Variants in RBM20 observed in about 807,000 individuals in gnomAD.
RBM20 encodes the protein RNA binding motif protein 20.
RBM20 carries 51 observed loss-of-function variants against 110.1 expected under a neutral mutation model. The observed-to-expected ratio is 0.46, with a 90% confidence interval of 0.37 to 0.59. The LOEUF is 0.59. Ranked by LOEUF, RBM20 falls within the 20% of genes least tolerant of loss-of-function variation. The pLI is 0.00. For synonymous variants in RBM20, 589 were observed against 618.2 expected, an observed-to-expected ratio of 0.95 and a Z score of 0.70; for missense variants, 1,512 against 1,574.9, an observed-to-expected ratio of 0.96 and a Z score of 0.68.
At chr10:110,834,619 A>G (rs544676175) in intron 13 of RBM20, among the ~76,000 whole-genome samples, 2 of 152,330 alleles carry the variant, frequency 1.3e-5, no homozygotes, top group South Asian at 4.1e-4. Flanking sequence ...TCGACTTCAC[A>G]GCAACCTTAT....
chr10:110,772,858 CAGTG>C (rs1844211745), intron 1 of RBM20, among the ~76,000 whole-genome samples: 1 of 152,176 alleles, frequency 6.6e-6, no homozygotes, highest in Non-Finnish European at 1.5e-5. Context: ...TTGATCTTTA[CAGTG>C]AGTGGAACAG....
intron 5 of RBM20, among the ~76,000 whole-genome samples, chr10:110,792,957 T>C (rs1391354933): frequency 1.3e-5 from 2 of 152,232 alleles, no homozygotes; most frequent in African/African-American, 4.8e-5. Context: ...ATGGGTTTCC[T>C]GTTTATACTG....
chr10:110,772,139 A>T (rs150046526), intron 1 of RBM20, among the ~76,000 whole-genome samples: 51 of 152,332 alleles, frequency 3.3e-4, no homozygotes, highest in Non-Finnish European at 4.9e-4. Context: ...TAATAATTGC[A>T]TCTCCGACAA....
chr10:110,774,642 G>A (rs1844237296), intron 1 of RBM20, among the ~76,000 whole-genome samples: 1 of 152,024 alleles, frequency 6.6e-6, no homozygotes, highest in Non-Finnish European at 1.5e-5. Flanking sequence ...CAACTTCATT[G>A]GCTTTTGCGG....
intron 1 of RBM20, among the ~76,000 whole-genome samples, chr10:110,656,647 C>T (rs1862030261): frequency 6.6e-6 from 1 of 152,188 alleles, no homozygotes; most frequent in Non-Finnish European, 1.5e-5. Flanking sequence ...TCTCCCCAGT[C>T]CCTGGAAACC....
intron 1 of RBM20, among the ~76,000 whole-genome samples, chr10:110,713,552 T>C (rs1449908900): frequency 2.0e-5 from 3 of 152,204 alleles, no homozygotes; most frequent in African/African-American, 7.2e-5. Context: ...ATTTAATAAT[T>C]CAGTACTGCA....
chr10:110,760,423 A>AT lies in RBM20; in HGVS notation c.192-20377dup, dbSNP rs1400720868. ...AATATTAGCCCAGCTGAATTCCATC[A>AT]TCTTTTTTTTTTTTTTTTTTTTTTT... On this transcript the variant is annotated intron_variant, in intron 1 of 13. Transcript: ENST00000369519. Among the ~76,000 whole-genome samples the AT allele has an allele frequency of 9.0e-4, 75 of 83,352 alleles. 1 individual carries two copies. The highest frequency in any genetic ancestry group is 3.1e-3 in the African/African-American group (75 of 24,134). 54.7% of individuals were successfully genotyped at this position (83,352 alleles called of 152,430 possible).
At position 110,739,670 on chromosome 10, in the gene RBM20, C is replaced by A. The variant is rs1050072562; in HGVS notation, c.192-41131C>A. Among the ~76,000 whole-genome samples, 2 of 152,118 alleles carry A rather than the reference C, an allele frequency of 1.3e-5. No individual in the cohort carries two copies. The highest frequency in any genetic ancestry group is 2.9e-5 in the Non-Finnish European group (2 of 68,006). ...GAGCACCAGCATCAATGTGAACATT[C>A]TAGCTGGGACGCTTCCTTGTGGTAC... On this transcript the variant is annotated intron_variant, in intron 1 of 13. Transcript: ENST00000369519. The surrounding 1 kb of genome is among the most constrained non-coding windows in gnomAD (Gnocchi z 4.1).
intron 5 of RBM20, among the ~76,000 whole-genome samples, chr10:110,786,583 CCT>C (rs1844421855): frequency 6.6e-6 from 1 of 152,208 alleles, no homozygotes. Flanking sequence ...TTGTGGTTTC[CCT>C]CTCTGCACTC....
chr10:110,825,026 G>C (rs1053956536), intron 12 of RBM20, among the ~76,000 whole-genome samples: 1 of 144,864 alleles, frequency 6.9e-6, no homozygotes, highest in African/African-American at 2.5e-5. Context: ...TTTATAGTCA[G>C]ATCTGGAGAG....
intron 9 of RBM20, among the ~76,000 whole-genome samples, chr10:110,815,247 C>G (rs1431817643): frequency 1.3e-5 from 2 of 152,212 alleles, no homozygotes; most frequent in Non-Finnish European, 2.9e-5. Context: ...AAGGTGCAGA[C>G]TTCTATAGAA....
At chr10:110,784,732 A>G (rs1844399022) in intron 4 of RBM20, 60 bp from the exon 5 acceptor site, 2 of 1,098,388 alleles carry the variant, frequency 1.8e-6, no homozygotes, top group African/African-American at 3.1e-5. Flanking sequence ...TTATGTCCTA[A>G]TAATGACTTT....
intron 7 of RBM20, among the ~76,000 whole-genome samples, chr10:110,805,848 C>A (rs7068721): frequency 6.6e-6 from 1 of 152,008 alleles, no homozygotes; most frequent in Non-Finnish European, 1.5e-5. Context: ...GGCTGTTGAG[C>A]GGAATCATTG....
chr10:110,709,837 G>A (rs11195278), intron 1 of RBM20, among the ~76,000 whole-genome samples: 24,866 of 151,966 alleles, frequency 0.16, 2,239 homozygotes, highest in East Asian at 0.32. Context: ...TCCCAAAGTT[G>A]GGATTACAGG....
At chr10:110,824,307 A>G (rs1477679504) in intron 12 of RBM20, among the ~76,000 whole-genome samples, 1 of 152,158 alleles carries the variant, frequency 6.6e-6, no homozygotes, top group Non-Finnish European at 1.5e-5. Context: ...TTCGTCTGCT[A>G]TTGTTCATTG....
intron 1 of RBM20, among the ~76,000 whole-genome samples, chr10:110,675,776 T>C (rs1862330154): frequency 6.6e-6 from 1 of 152,226 alleles, no homozygotes. Context: ...CCTTGGAAAT[T>C]ACTTCTCTGA....
At position 110,757,842 on chromosome 10, in the gene RBM20, C is replaced by T. The variant is rs989512701; in HGVS notation, c.192-22959C>T. Reference sequence around the variant, plus strand: ...GCCCATGCTTAGACATTATGGTGGCCCATGGGAAGATTAGCTGCATCTCTT... The same window carrying T: ...GCCCATGCTTAGACATTATGGTGGCTCATGGGAAGATTAGCTGCATCTCTT... On this transcript the variant is annotated intron_variant, in intron 1 of 13. Transcript: ENST00000369519. Among the ~76,000 whole-genome samples the T allele has an allele frequency of 4.6e-5, 7 of 152,036 alleles. No homozygotes were observed. In the South Asian group the frequency reaches 1.5e-3, roughly 32 times the overall value.
intron 1 of RBM20, among the ~76,000 whole-genome samples, chr10:110,712,174 A>G (rs1191216251): frequency 2.6e-5 from 4 of 152,214 alleles, no homozygotes; most frequent in Admixed American, 2.6e-4. Flanking sequence ...GATGCATCAG[A>G]CCAAACAAGG....
At chr10:110,732,514 C>G (rs1247355580) in intron 1 of RBM20, among the ~76,000 whole-genome samples, 1 of 152,222 alleles carries the variant, frequency 6.6e-6, no homozygotes, top group Non-Finnish European at 1.5e-5. Flanking sequence ...ATTCACTGCT[C>G]TGTCTCCAGC....
Sources: gnomAD v4.1 joint callset for allele counts (sites outside exome capture counted in the v4.1 genomes callset) on GRCh38, gnomAD v4.1.1 for gene constraint, Gnocchi (gnomAD v3.1) non-coding constraint, MANE v1.5 for transcripts, NCBI Gene and HGNC (gene_info 2026-07-23, HGNC 2026-07-21) for gene names.